The following VTA1 variants were observed in gnomAD, a reference collection of about 807,000 sequenced individuals.
The protein encoded by VTA1 is vacuolar protein sorting-associated protein VTA1 homolog.
A neutral mutation model predicts 36.9 loss-of-function variants in VTA1; 24 were observed. The ratio of observed to expected loss-of-function variants is 0.65; its 90% confidence interval spans 0.47 to 0.91. The LOEUF is 0.91. VTA1 is among the 40% of genes least tolerant of loss of function. The probability of loss-of-function intolerance (pLI) is 0.00; values close to 1 mark genes in which losing one functional copy is unlikely to be tolerated. For missense variants in VTA1, 393 were observed against 377.2 expected (o/e 1.04, Z -0.35); for synonymous variants, 142 against 130.2 (o/e 1.09, Z -0.62).
intron 4 of VTA1, among the ~76,000 whole-genome samples, chr6:142,185,922 G>A (rs193069364): frequency 1.6e-4 from 24 of 152,274 alleles, no homozygotes; most frequent in African/African-American, 5.3e-4. Flanking sequence ...CAAGTGCTTG[G>A]TATAAACAAC....
At chr6:142,154,672 C>T (rs1778629216) in intron 1 of VTA1, among the ~76,000 whole-genome samples, 2 of 152,034 alleles carry the variant, frequency 1.3e-5, no homozygotes, top group East Asian at 3.8e-4. Flanking sequence ...TTAATAGGTA[C>T]AGTGATATCT....
Position 142,198,626 on chromosome 6 carries a change from G to GTGCTGTGTGATTTA in VTA1, c.697+12_697+13insGCTGTGTGATTTAT. On this transcript the variant is annotated intron_variant, in intron 6 of 7. Coordinates refer to ENST00000367630, the MANE Select transcript of VTA1 (RefSeq NM_016485.5). ...TGCCTCACAGCACAGGTGGGAAACT[G>GTGCTGTGTGATTTA]TAACTGAATGATTTATTTAATTCCC... 6.3e-7 allele frequency: 1 copy of GTGCTGTGTGATTTA among 1,592,630 alleles called. No homozygotes were observed. Among genetic ancestry groups the GTGCTGTGTGATTTA allele is most frequent in the Middle Eastern group, 1.7e-4 (1 of 5,972 alleles).
chr6:142,185,838 TAGAATC>T (rs1775329882), intron 4 of VTA1, among the ~76,000 whole-genome samples: 2 of 152,194 alleles, frequency 1.3e-5, no homozygotes, highest in Non-Finnish European at 2.9e-5. Context: ...AAATTTCAGT[TAGAATC>T]AGTTAAGCTT....
intron 4 of VTA1, among the ~76,000 whole-genome samples, chr6:142,182,760 A>G (rs1245419739): frequency 2.0e-5 from 3 of 152,234 alleles, no homozygotes; most frequent in Non-Finnish European, 4.4e-5. Flanking sequence ...TTGGATGTAT[A>G]CTTATACAAG....
At chr6:142,179,884 T>G (rs1462370092) in intron 4 of VTA1, among the ~76,000 whole-genome samples, 2 of 152,194 alleles carry the variant, frequency 1.3e-5, no homozygotes, top group Non-Finnish European at 2.9e-5. Flanking sequence ...GACCAAATGA[T>G]TAAATATATT....
rs982890046 is a variant in VTA1 at position 142,220,888 on chromosome 6, C to G, written c.*2245C>G. On this transcript the variant is annotated 3_prime_UTR_variant, in exon 8 of 8. Transcript: ENST00000367630. The stretch of plus-strand genomic sequence containing the variant: ...GAAACAGCAGGAAAAAAAGTCCCTC[C>G]CTCATAGAGTTTACATTCTAAAAGG... The G allele has an allele frequency of 6.6e-6, 1 of 151,906 alleles. No individual in the cohort carries two copies. The highest frequency in any genetic ancestry group is 1.5e-5 in the Non-Finnish European group (1 of 68,020). The allele number at this position is 151,906 out of a possible 1,614,324, so 9.4% of individuals were successfully genotyped here.
chr6:142,198,603 C>A lies in VTA1; in HGVS notation c.685C>A (p.Pro229Thr). 1 of 1,610,850 alleles carries A rather than the reference C, an allele frequency of 6.2e-7. No homozygotes were observed. The highest frequency in any genetic ancestry group is 1.1e-5 in the South Asian group (1 of 90,536). Reference sequence around the variant, plus strand: ...TCCAGCTAATACACCAGCAGAAGTGCCTCACAGCACAGGTGGGAAACTGTA... The same window carrying A: ...TCCAGCTAATACACCAGCAGAAGTGACTCACAGCACAGGTGGGAAACTGTA... Reference protein sequence around the residue: ...HAPANTPAEVPHSTGVASNTI... With the variant: ...HAPANTPAEVTHSTGVASNTI... The change falls in exon 6 of 8, where the codon CCT becomes ACT. Residue 229 changes from proline to threonine, a missense_variant. By Grantham distance (38) the Pro-to-Thr change is conservative. Transcript: ENST00000367630.
At chr6:142,171,965 C>T (rs1432644885) in intron 4 of VTA1, among the ~76,000 whole-genome samples, 1 of 152,084 alleles carries the variant, frequency 6.6e-6, no homozygotes, top group Non-Finnish European at 1.5e-5. Context: ...GGGGTTTTGC[C>T]AGCATGAAAG....
At chr6:142,161,627 TAAATC>T (rs1774811399) in intron 1 of VTA1, among the ~76,000 whole-genome samples, 2 of 152,186 alleles carry the variant, frequency 1.3e-5, no homozygotes, top group South Asian at 4.1e-4. Flanking sequence ...CTTGATGAAA[TAAATC>T]AAATATATTT....
At chr6:142,208,788 A>G (rs576158046) in intron 7 of VTA1, among the ~76,000 whole-genome samples, 2 of 152,310 alleles carry the variant, frequency 1.3e-5, no homozygotes, top group South Asian at 2.1e-4. Context: ...ACTGTCATCT[A>G]GGAATATTGT....
rs1248255604 is a variant in VTA1, at chr6:142,222,688, G to C, written c.*4045G>C. 2 of 51,664 alleles carry C rather than the reference G, an allele frequency of 3.9e-5. No homozygotes were observed. Among genetic ancestry groups the C allele is most frequent in the African/African-American group, 1.1e-4 (2 of 18,738 alleles). The allele number at this position is 51,664 out of a possible 1,614,324, so 3.2% of individuals were successfully genotyped here. On this transcript the variant is annotated 3_prime_UTR_variant, in exon 8 of 8. Transcript: ENST00000367630. ...TTCATATGAGAAGTATCCTTCCCTG[G>C]TTGGTTGTAATCTTTGAAGTCTATG...
At position 142,147,419 on chromosome 6, in the gene VTA1, C is replaced by T. The variant is rs767747659; in HGVS notation, c.112+20C>T. On this transcript the variant is annotated intron_variant, in intron 1 of 7. Transcript: ENST00000367630. ...ATTACTGTGAGTCTTTCCGAGTGGC[C>T]GCGCCCTTTCTTTCCCAGTTGCATT... 1 of 1,608,200 alleles carries T rather than the reference C, an allele frequency of 6.2e-7. No homozygotes were observed.
intron 1 of VTA1, among the ~76,000 whole-genome samples, chr6:142,155,152 T>A (rs1317392881): frequency 6.6e-6 from 1 of 152,138 alleles, no homozygotes; most frequent in African/African-American, 2.4e-5. Context: ...TAAATGTAAA[T>A]TAAAGTGGAA....
intron 6 of VTA1, 88 bp from the exon 7 acceptor site, chr6:142,203,897 A>C (rs1775736389): frequency 9.7e-7 from 1 of 1,026,548 alleles, no homozygotes; most frequent in Non-Finnish European, 1.5e-6. Context: ...AAAGTAATGA[A>C]ATTGCCTCAT....
At chr6:142,202,947 A>G (rs945568995) in intron 6 of VTA1, among the ~76,000 whole-genome samples, 6 of 152,006 alleles carry the variant, frequency 3.9e-5, no homozygotes, top group South Asian at 4.1e-4. Flanking sequence ...TTTGTCCTGG[A>G]AAACAATTAA....
chr6:142,179,450 C>T (rs966547306), intron 4 of VTA1, among the ~76,000 whole-genome samples: 4 of 151,600 alleles, frequency 2.6e-5, no homozygotes, highest in African/African-American at 9.7e-5. Context: ...TCATAATAGC[C>T]CAAAGCTAGA....
intron 7 of VTA1, among the ~76,000 whole-genome samples, chr6:142,217,889 T>C (rs759382920): frequency 2.0e-5 from 3 of 152,050 alleles, no homozygotes; most frequent in Non-Finnish European, 4.4e-5. Flanking sequence ...AGTTGGGCAC[T>C]ACATGTTAAT....
At chr6:142,168,176 C>T (rs1774957355) in intron 2 of VTA1, among the ~76,000 whole-genome samples, 1 of 152,140 alleles carries the variant, frequency 6.6e-6, no homozygotes, top group Admixed American at 6.5e-5. Flanking sequence ...GATGAAGTGG[C>T]CTACTCTCAC....
At chr6:142,209,359 T>A (rs1775855572) in intron 7 of VTA1, among the ~76,000 whole-genome samples, 1 of 151,748 alleles carries the variant, frequency 6.6e-6, no homozygotes, top group Non-Finnish European at 1.5e-5. Flanking sequence ...AATAACTAAC[T>A]ATAATATTCC....
Sources: gnomAD v4.1 joint callset for allele counts (sites outside exome capture counted in the v4.1 genomes callset) on GRCh38, gnomAD v4.1.1 for gene constraint, MANE v1.5 for transcripts, NCBI Gene and HGNC (gene_info 2026-07-23, HGNC 2026-07-21) for gene names.